Variants in DPYD observed in about 807,000 individuals in gnomAD.
DPYD encodes the protein dihydropyrimidine dehydrogenase, also known as dihydropyrimidine dehydrogenase [NADP(+)].
Under a neutral mutation model 116.2 loss-of-function variants are expected in DPYD, and 109 were observed. The ratio of observed to expected loss-of-function variants is 0.94; its 90% confidence interval spans 0.80 to 1.10. The LOEUF (loss-of-function observed/expected upper bound fraction) is 1.10, where lower values mean the gene tolerates loss of function less well. Ranked by LOEUF, DPYD falls within the 50% of genes least tolerant of loss-of-function variation. The pLI, the probability that DPYD is intolerant of heterozygous loss-of-function variation, is 0.00. For synonymous variants in DPYD, 440 were observed against 432.0 expected (o/e 1.02, Z -0.23); for missense variants, 1,302 against 1,254.5 (o/e 1.04, Z -0.57).
At chr1:97,512,928 T>C (rs936681150) in intron 13 of DPYD, among the ~76,000 whole-genome samples, 4 of 151,822 alleles carry the variant, frequency 2.6e-5, no homozygotes, top group Non-Finnish European at 4.4e-5. Flanking sequence ...AGGAAGAATA[T>C]AGTTAATAAA....
intron 18 of DPYD, among the ~76,000 whole-genome samples, chr1:97,280,913 A>T (rs1371152575): frequency 6.6e-6 from 1 of 152,168 alleles, no homozygotes; most frequent in Non-Finnish European, 1.5e-5. Context: ...AGAAATGATA[A>T]ATGCTTAGAG....
chr1:97,126,434 T>C (rs1652837603), intron 20 of DPYD, among the ~76,000 whole-genome samples: 1 of 152,142 alleles, frequency 6.6e-6, no homozygotes, highest in Non-Finnish European at 1.5e-5. Context: ...CCAAATCAAA[T>C]TCCTTGCAGG....
chr1:97,298,827 A>T (rs1371883033), intron 18 of DPYD, among the ~76,000 whole-genome samples: 1 of 152,056 alleles, frequency 6.6e-6, no homozygotes, highest in East Asian at 1.9e-4. Flanking sequence ...CGAGTGATTG[A>T]TAGCCTAATC....
intron 4 of DPYD, among the ~76,000 whole-genome samples, chr1:97,727,434 T>C (rs531218922): frequency 1.3e-5 from 2 of 151,936 alleles, no homozygotes; most frequent in African/African-American, 4.8e-5. Context: ...GAGGGATTAC[T>C]ATTTAATTAA....
intron 2 of DPYD, among the ~76,000 whole-genome samples, chr1:97,842,974 C>T (rs1156679102): frequency 6.6e-6 from 1 of 152,044 alleles, no homozygotes; most frequent in African/African-American, 2.4e-5. Context: ...TCTTCTTGTT[C>T]TGTACTCACT....
chr1:97,170,982 T>C (rs1656684456), intron 20 of DPYD, among the ~76,000 whole-genome samples: 1 of 152,156 alleles, frequency 6.6e-6, no homozygotes, highest in Admixed American at 6.6e-5. Context: ...CTATCTTAAA[T>C]ACTTTCAAAG....
chr1:97,751,238 C>T (rs1038826653), intron 3 of DPYD, among the ~76,000 whole-genome samples: 1 of 150,662 alleles, frequency 6.6e-6, no homozygotes, highest in African/African-American at 2.4e-5. Context: ...AAGAGGATGA[C>T]TTAATATACT....
intron 20 of DPYD, among the ~76,000 whole-genome samples, chr1:97,169,798 G>T (rs1656592106): frequency 6.6e-6 from 1 of 152,038 alleles, no homozygotes; most frequent in South Asian, 2.1e-4. Flanking sequence ...CTTGCTGTAT[G>T]CACACTTATG....
chr1:97,837,677 G>A (rs1027087189), intron 2 of DPYD, among the ~76,000 whole-genome samples: 3 of 152,052 alleles, frequency 2.0e-5, no homozygotes, highest in African/African-American at 7.2e-5. Flanking sequence ...AGAATAATAA[G>A]TGATTATCAA....
At chr1:97,483,118 G>C (rs1359983978) in intron 13 of DPYD, among the ~76,000 whole-genome samples, 3 of 152,138 alleles carry the variant, frequency 2.0e-5, no homozygotes, top group Non-Finnish European at 4.4e-5. Flanking sequence ...CAAAGTCAAA[G>C]CTATCAGATA....
intron 14 of DPYD, among the ~76,000 whole-genome samples, chr1:97,422,089 T>C (rs938936758): frequency 6.6e-6 from 1 of 152,140 alleles, no homozygotes; most frequent in African/African-American, 2.4e-5. Context: ...TAGTTGAAAG[T>C]GATATTAGGA....
At chr1:97,386,783 A>T (rs1315332191) in intron 14 of DPYD, among the ~76,000 whole-genome samples, 1 of 152,168 alleles carries the variant, frequency 6.6e-6, no homozygotes, top group Non-Finnish European at 1.5e-5. Flanking sequence ...AGAAATAAAG[A>T]TGACCAAAAA....
chr1:97,905,842 T>C (rs1246068380), intron 1 of DPYD, among the ~76,000 whole-genome samples: 4 of 152,106 alleles, frequency 2.6e-5, no homozygotes, highest in Admixed American at 2.0e-4. Context: ...TTTCATGTCA[T>C]GTATTTTAAT....
chr1:97,825,926 AT>A (rs569319374), intron 3 of DPYD, among the ~76,000 whole-genome samples: 1 of 152,132 alleles, frequency 6.6e-6, no homozygotes, highest in Non-Finnish European at 1.5e-5. Flanking sequence ...TTCCGAACAC[AT>A]TTTAAAAAGC....
intron 14 of DPYD, among the ~76,000 whole-genome samples, chr1:97,389,310 GAA>G (rs11349223): frequency 0.015 from 2,038 of 138,636 alleles, 200 homozygotes; most frequent in Admixed American, 0.13. Flanking sequence ...TTTTGTCTTT[GAA>G]AAAAAAAAAA....
intron 8 of DPYD, among the ~76,000 whole-genome samples, chr1:97,610,477 G>C (rs759410776): frequency 6.6e-6 from 1 of 151,978 alleles, no homozygotes; most frequent in Non-Finnish European, 1.5e-5. Context: ...TGTTTGCAGT[G>C]GGAATGAAAG....
intron 14 of DPYD, among the ~76,000 whole-genome samples, chr1:97,423,142 G>C (rs1466505583): frequency 6.6e-6 from 1 of 152,098 alleles, no homozygotes; most frequent in Non-Finnish European, 1.5e-5. Flanking sequence ...ACATAAAAAT[G>C]TTGGTCCTAG....
intron 10 of DPYD, among the ~76,000 whole-genome samples, chr1:97,591,893 G>GAA (rs764510762): frequency 2.9e-5 from 4 of 137,712 alleles, no homozygotes; most frequent in South Asian, 2.3e-4. Flanking sequence ...TGTATCCCAG[G>GAA]AAAAAAAAAA....
intron 5 of DPYD, among the ~76,000 whole-genome samples, chr1:97,708,628 C>G (rs1662117102): frequency 6.6e-6 from 1 of 151,866 alleles, no homozygotes; most frequent in Admixed American, 6.6e-5. Flanking sequence ...TAATCTTTTG[C>G]CTCTCTATAT....
Sources: gnomAD v4.1 joint callset for allele counts (sites outside exome capture counted in the v4.1 genomes callset) on GRCh38, gnomAD v4.1.1 for gene constraint, MANE v1.5 for transcripts, NCBI Gene and HGNC (gene_info 2026-07-23, HGNC 2026-07-21) for gene names.